MICU3: variants seen among roughly 807,000 people sequenced by gnomAD.
MICU3 encodes the protein mitochondrial calcium uptake 3.
MICU3 carries 62 observed loss-of-function variants against 66.5 expected under a neutral mutation model. That is an observed-to-expected ratio of 0.93 (90% CI 0.76 to 1.15). The LOEUF (loss-of-function observed/expected upper bound fraction) is 1.15, where lower values mean the gene tolerates loss of function less well. Among genes scored for constraint, MICU3 ranks in the 50% most tolerant of loss-of-function variants. MICU3 has a pLI of 0.00. For synonymous variants in MICU3, 308 were observed against 240.7 expected (o/e 1.28, Z -2.59); for missense variants, 779 against 664.4 (o/e 1.17, Z -1.90).
intron 1 of MICU3, among the ~76,000 whole-genome samples, chr8:17,043,062 C>T (rs1251048249): frequency 1.3e-5 from 2 of 150,534 alleles, no homozygotes; most frequent in African/African-American, 2.5e-5. Flanking sequence ...GCCTCAGCCT[C>T]CCGAGTAGCT....
intron 3 of MICU3, among the ~76,000 whole-genome samples, chr8:17,072,633 C>T (rs965589987): frequency 4.6e-5 from 7 of 151,858 alleles, no homozygotes; most frequent in Admixed American, 6.6e-5. Flanking sequence ...CTTGCAGTCA[C>T]GTAGAACCCC....
At chr8:17,044,359 A>G (rs1296701934) in intron 1 of MICU3, among the ~76,000 whole-genome samples, 1 of 152,338 alleles carries the variant, frequency 6.6e-6, no homozygotes, top group East Asian at 1.9e-4. Context: ...CTCAGGAAGC[A>G]GTCTGTTAGG....
chr8:17,043,466 A>G (rs891805115), intron 1 of MICU3, among the ~76,000 whole-genome samples: 2 of 152,218 alleles, frequency 1.3e-5, no homozygotes, highest in Admixed American at 1.3e-4. Context: ...GTTTTGAGAT[A>G]TTACTATCAT....
intron 1 of MICU3, among the ~76,000 whole-genome samples, chr8:17,032,715 CGTGCTTCATTTTCTT>C (rs1384635151): frequency 6.6e-6 from 1 of 151,944 alleles, no homozygotes; most frequent in Non-Finnish European, 1.5e-5. Context: ...TACGTTTTGC[CGTGCTTCATTTTCTT>C]GTGCTTCACA....
At chr8:17,106,546 CT>C (rs36068857) in intron 11 of MICU3, among the ~76,000 whole-genome samples, 10,032 of 136,656 alleles carry the variant, frequency 0.073, 395 homozygotes, top group East Asian at 0.23. Context: ...CTTGAATCTG[CT>C]TTTTTTTTTT....
At chr8:17,056,479 C>G (rs1261746987) in intron 1 of MICU3, among the ~76,000 whole-genome samples, 3 of 152,218 alleles carry the variant, frequency 2.0e-5, no homozygotes, top group Admixed American at 1.3e-4. Flanking sequence ...ATTTGAACCT[C>G]TTCCAAGTGA....
At chr8:17,130,652 A>G in the MICU3 span, among the ~76,000 whole-genome samples, 1 of 152,258 alleles carries the variant, frequency 6.6e-6, no homozygotes, top group South Asian at 2.1e-4. Flanking sequence ...GTAAGATTGT[A>G]TTGTAGGTGC....
downstream of MICU3, among the ~76,000 whole-genome samples, chr8:17,125,815 G>A (rs1220595835): frequency 2.6e-5 from 4 of 151,734 alleles, no homozygotes; most frequent in East Asian, 5.8e-4. Flanking sequence ...GGTGGATCAC[G>A]AGTCAGGAGT....
At position 17,120,389 on chromosome 8, in the gene MICU3, A is replaced by G. The variant is rs1045746571; in HGVS notation, c.*102A>G. 3.9e-5 allele frequency: 6 copies of G among 152,232 alleles called. No homozygotes were observed. The highest frequency in any genetic ancestry group is 1.4e-4 in the African/African-American group (6 of 41,572). The allele number at this position is 152,232 out of a possible 1,614,324, so 9.4% of individuals were successfully genotyped here. A position where few individuals can be genotyped will look rare whatever the true frequency, so the allele number is the denominator to read the frequency against. ...AGGTCTGAGGTCAGAAGAAGTAGAG[A>G]ATGAAGGAAAAGGTGAATGCTATGA... On this transcript the variant is annotated 3_prime_UTR_variant, in exon 15 of 15. Coordinates refer to ENST00000318063, the MANE Select transcript of MICU3 (RefSeq NM_181723.3).
At chr8:17,123,053 T>G (rs1803298070), downstream of MICU3, among the ~76,000 whole-genome samples, 1 of 152,072 alleles carries the variant, frequency 6.6e-6, no homozygotes, top group Non-Finnish European at 1.5e-5. Context: ...ATGCTTTTAC[T>G]TCCAAAAGAT....
At chr8:17,066,984 A>C (rs1818823880) in intron 2 of MICU3, among the ~76,000 whole-genome samples, 1 of 152,168 alleles carries the variant, frequency 6.6e-6, no homozygotes, top group South Asian at 2.1e-4. Context: ...AGATATTTTA[A>C]AACCATAACT....
chr8:17,058,255 G>A (rs3862107), intron 1 of MICU3, among the ~76,000 whole-genome samples: 32,769 of 151,976 alleles, frequency 0.22, 4,233 homozygotes, highest in East Asian at 0.64. Flanking sequence ...TTTTTAAATT[G>A]GAAATTAACC....
chr8:17,063,020 C>T (rs1170599143), intron 1 of MICU3, among the ~76,000 whole-genome samples: 1 of 151,962 alleles, frequency 6.6e-6, no homozygotes, highest in Non-Finnish European at 1.5e-5. Context: ...TTATGTTATA[C>T]TATAAACATT....
chr8:17,136,355 A>C, the MICU3 span, among the ~76,000 whole-genome samples: 1 of 152,080 alleles, frequency 6.6e-6, no homozygotes, highest in Non-Finnish European at 1.5e-5. Context: ...GCTTATACCT[A>C]TCTCCTTGGG....
chr8:17,073,996 T>C (rs951323304), intron 3 of MICU3, among the ~76,000 whole-genome samples: 3 of 152,084 alleles, frequency 2.0e-5, no homozygotes, highest in Admixed American at 6.6e-5. Context: ...GAGAAGATAC[T>C]TGTTTTATTC....
At chr8:17,104,564 A>T in intron 10 of MICU3, 73 bp downstream of exon 10, 2 of 724,812 alleles carry the variant, frequency 2.8e-6, no homozygotes, top group Non-Finnish European at 4.2e-6. Flanking sequence ...GAAATTGTCT[A>T]GTACAGCAAT....
Position 17,114,143 on chromosome 8 carries a change from A to T in MICU3, c.1308A>T (p.Leu436=), listed in dbSNP as rs780068914. 8 of 1,613,118 alleles carry T rather than the reference A, an allele frequency of 5.0e-6. No homozygotes were observed. In the East Asian group the frequency reaches 1.3e-4, roughly 27 times the overall value. The change falls in exon 12 of 15, where the codon CTA becomes CTT. Residue 436 remains leucine (L), a synonymous_variant. Coordinates refer to ENST00000318063, the MANE Select transcript of MICU3 (RefSeq NM_181723.3). The part of the protein sequence containing the change: ...FRSFFQFLNN[L]EDFAIALNMY... Reference sequence around the variant, plus strand: ...CATTTTTCCAGTTTTTAAACAACCTAGAAGACTTTGCAATAGCCCTGAATA... The same window carrying T: ...CATTTTTCCAGTTTTTAAACAACCTTGAAGACTTTGCAATAGCCCTGAATA...
chr8:17,123,535 T>C (rs1471503695), downstream of MICU3, among the ~76,000 whole-genome samples: 1 of 152,036 alleles, frequency 6.6e-6, no homozygotes, highest in East Asian at 1.9e-4. Context: ...ATTGAAAGGA[T>C]AGTTATATAA....
Position 17,027,248 on chromosome 8 carries a change from C to G in MICU3, c.-32C>G. On this transcript the variant is annotated 5_prime_UTR_variant, in exon 1 of 15. Coordinates refer to ENST00000318063, the MANE Select transcript of MICU3 (RefSeq NM_181723.3). ...CGCCCCCGCCCCTCCGTTCTCTGCC[C>G]CCTCCCAGCTCTGGTGTGGGCGGCC... The G allele has an allele frequency of 5.1e-6, 5 of 979,696 alleles. No individual in the cohort carries two copies. Among genetic ancestry groups the G allele is most frequent in the Non-Finnish European group, 5.3e-6 (4 of 747,724 alleles). The allele number at this position is 979,696 out of a possible 1,614,324, so 60.7% of individuals were successfully genotyped here. A position where few individuals can be genotyped will look rare whatever the true frequency, so the allele number is the denominator to read the frequency against.
Sources: allele counts gnomAD v4.1 joint callset (sites outside exome capture counted in the v4.1 genomes callset), GRCh38; gene constraint gnomAD v4.1.1; transcripts MANE v1.5; gene names NCBI Gene and HGNC (gene_info 2026-07-23, HGNC 2026-07-21).